The following RAB40B variants were observed in gnomAD, a reference collection of about 807,000 sequenced individuals.
The protein encoded by RAB40B is RAB40B, member RAS oncogene family, also known as ras-related protein Rab-40B.
RAB40B carries 21 observed loss-of-function variants against 24.0 expected under a neutral mutation model. The ratio of observed to expected loss-of-function variants is 0.88; its 90% CI spans 0.62 to 1.26. The LOEUF (loss-of-function observed/expected upper bound fraction) is 1.26, where lower values mean the gene tolerates loss of function less well. Among genes scored for constraint, RAB40B ranks in the 50% most tolerant of loss-of-function variants. The probability of loss-of-function intolerance (pLI) is 0.00; values close to 1 mark genes in which losing one functional copy is unlikely to be tolerated. For synonymous variants in RAB40B, 167 were observed against 169.8 expected (o/e 0.98, Z 0.13); for missense variants, 348 against 390.5 (o/e 0.89, Z 0.92).
At chr17:82,677,610 G>A (rs1212802375) in intron 1 of RAB40B, among the ~76,000 whole-genome samples, 5 of 152,174 alleles carry the variant, frequency 3.3e-5, no homozygotes, top group Non-Finnish European at 7.3e-5. Context: ...TTCCCAGTGG[G>A]AACCCTGCCT....
chr17:82,686,106 T>TTA (rs776673725), intron 1 of RAB40B, among the ~76,000 whole-genome samples: 4 of 37,762 alleles, frequency 1.1e-4, no homozygotes, highest in African/African-American at 2.8e-4. Context: ...CCAGCCTTCT[T>TTA]TTTTTTTTTT....
At chr17:82,678,845 T>G (rs1413996290) in intron 1 of RAB40B, among the ~76,000 whole-genome samples, 1 of 150,478 alleles carries the variant, frequency 6.6e-6, no homozygotes, top group African/African-American at 2.4e-5. Flanking sequence ...TGACTTTAAG[T>G]GTGTGGTTTT....
intron 2 of RAB40B, chr17:82,662,637 G>A (rs2046188820): frequency 4.1e-6 from 4 of 985,318 alleles, no homozygotes; most frequent in Non-Finnish European, 2.4e-6. Context: ...TTGCTCAGAC[G>A]ACAGTGTGGA....
intron 1 of RAB40B, among the ~76,000 whole-genome samples, chr17:82,683,092 G>A (rs1294325547): frequency 6.6e-6 from 1 of 152,174 alleles, no homozygotes; most frequent in Non-Finnish European, 1.5e-5. Flanking sequence ...GCAGTGAGCC[G>A]AGATCATGCC....
chr17:82,660,944 T>A lies in RAB40B; in HGVS notation c.264+43A>T, dbSNP rs768082115. The A allele has an allele frequency of 5.7e-6, 9 of 1,588,890 alleles. No homozygotes were observed. The East Asian group carries it at 2.0e-4, about 36-fold the overall frequency. ...AGTTAAGCATTGTAAATGTTATTAT[T>A]CAAAGTTGGTTTGATCTCCCAGCTC... On this transcript the variant is annotated intron_variant, in intron 3 of 5. Transcript: ENST00000571995.
intron 1 of RAB40B, among the ~76,000 whole-genome samples, chr17:82,685,953 G>A (rs543974025): frequency 1.4e-4 from 21 of 151,988 alleles, no homozygotes; most frequent in East Asian, 7.8e-4. Flanking sequence ...ACAGGTGCCC[G>A]CCACCACACC....
chr17:82,687,203 C>T (rs905491650), intron 1 of RAB40B, among the ~76,000 whole-genome samples: 1 of 152,138 alleles, frequency 6.6e-6, no homozygotes, highest in African/African-American at 2.4e-5. Flanking sequence ...ACATACGTGG[C>T]CTCCTGAGCT....
chr17:82,659,713 GC>G, intron 3 of RAB40B, 56 bp from the exon 4 acceptor site: 1 of 1,382,978 alleles, frequency 7.2e-7, no homozygotes, highest in Non-Finnish European at 1.0e-6. Context: ...CACAGCTGTG[GC>G]CATGCACGCA....
rs200488513 is a variant in RAB40B, at chr17:82,659,679, C to A, written c.265-22G>T. ...CACCCTGGGGGAGAGGTCACAGGCTCAGCACGCAGAACACAGATGCAGGCA... is the reference window on the plus strand; with the variant it reads ...CACCCTGGGGGAGAGGTCACAGGCTAAGCACGCAGAACACAGATGCAGGCA... On this transcript the variant is annotated intron_variant, in intron 3 of 5. Coordinates refer to ENST00000571995, the MANE Select transcript of RAB40B (RefSeq NM_006822.3). 2.7e-3 allele frequency: 4,328 copies of A among 1,607,608 alleles called. 13 individuals carry two copies. The highest frequency in any genetic ancestry group is 2.9e-3 in the Non-Finnish European group (3,382 of 1,174,050).
In RAB40B at chr17:82,663,871, C is replaced by T. The variant is rs1194558193; in HGVS notation, c.203+625G>A. Among the ~76,000 whole-genome samples, 1 of 152,206 alleles carries T rather than the reference C, an allele frequency of 6.6e-6. No individual in the cohort carries two copies. The highest frequency in any genetic ancestry group is 1.5e-5 in the Non-Finnish European group (1 of 68,016). On this transcript the variant is annotated intron_variant, in intron 2 of 5. Coordinates refer to ENST00000571995, the MANE Select transcript of RAB40B (RefSeq NM_006822.3). The surrounding 1 kb of genome is among the most constrained non-coding windows in gnomAD (Gnocchi z 6.2). ...TCCCAGCCACAGCGCTATGTCCGTT[C>T]TGGGGTCCCCTACTCTGGATGACGG...
intron 4 of RAB40B, 86 bp downstream of exon 4, chr17:82,659,494 A>G: frequency 5.1e-6 from 7 of 1,360,344 alleles, no homozygotes; most frequent in Non-Finnish European, 7.3e-6. Context: ...GGTACCCATG[A>G]GCCCTGGAGG....
At chr17:82,670,217 G>T (rs1291040880) in intron 1 of RAB40B, among the ~76,000 whole-genome samples, 2 of 121,288 alleles carry the variant, frequency 1.6e-5, no homozygotes, top group Admixed American at 2.3e-4. Flanking sequence ...ACAGAGTCTC[G>T]CTCTCTCACC....
At chr17:82,661,159 A>T (rs1198770934) in intron 2 of RAB40B, 112 bp from the exon 3 acceptor site, 2 of 1,507,310 alleles carry the variant, frequency 1.3e-6, no homozygotes, top group African/African-American at 2.8e-5. Context: ...GTCAGCAGCC[A>T]CCACGCCGCC....
chr17:82,657,780 A>G lies in RAB40B; in HGVS notation c.*83T>C. ...GCAGCATTCGCCGAGAGGAACCGGG[A>G]TCTGAGATGCATCCACCAGCTGCCG... On this transcript the variant is annotated 3_prime_UTR_variant, in exon 6 of 6. Coordinates refer to ENST00000571995, the MANE Select transcript of RAB40B (RefSeq NM_006822.3). The G allele has an allele frequency of 6.8e-7, 1 of 1,468,308 alleles. No homozygotes were observed. Among genetic ancestry groups the G allele is most frequent in the Non-Finnish European group, 9.5e-7 (1 of 1,048,480 alleles). 91.0% of individuals were successfully genotyped at this position (1,468,308 alleles called of 1,614,324 possible). A position where few individuals can be genotyped will look rare whatever the true frequency, so the allele number is the denominator to read the frequency against.
At chr17:82,662,831 C>T (rs2046191584) in intron 2 of RAB40B, 1 of 985,226 alleles carries the variant, frequency 1.0e-6, no homozygotes, top group African/African-American at 1.7e-5. Flanking sequence ...GGTGAGCAGC[C>T]AGACCCGGGG....
At chr17:82,662,755 G>T in intron 2 of RAB40B, 1 of 985,348 alleles carries the variant, frequency 1.0e-6, no homozygotes, top group Non-Finnish European at 1.2e-6. Context: ...TGAGGTGAGA[G>T]GGAGAAAAGT....
chr17:82,681,824 C>G (rs2046451415), intron 1 of RAB40B, among the ~76,000 whole-genome samples: 1 of 152,006 alleles, frequency 6.6e-6, no homozygotes, highest in African/African-American at 2.4e-5. Flanking sequence ...AATCCAATAC[C>G]TTTTCACAAC....
intron 1 of RAB40B, among the ~76,000 whole-genome samples, chr17:82,686,501 A>G (rs1188470640): frequency 1.3e-5 from 2 of 152,244 alleles, no homozygotes; most frequent in Non-Finnish European, 2.9e-5. Context: ...TTATAAGCAC[A>G]GAGAGATTTG....
At chr17:82,694,801 GA>G (rs1280307727) in intron 1 of RAB40B, among the ~76,000 whole-genome samples, 1 of 151,692 alleles carries the variant, frequency 6.6e-6, no homozygotes, top group Non-Finnish European at 1.5e-5. Flanking sequence ...TGTTGGGGAA[GA>G]AAATAAATCT....
Sources: gnomAD v4.1 joint callset for allele counts (sites outside exome capture counted in the v4.1 genomes callset) on GRCh38, gnomAD v4.1.1 for gene constraint, Gnocchi (gnomAD v3.1) non-coding constraint, MANE v1.5 for transcripts, NCBI Gene and HGNC (gene_info 2026-07-23, HGNC 2026-07-21) for gene names.